DGLUCY: variants seen among roughly 807,000 people sequenced by gnomAD.
DGLUCY encodes the protein D-glutamate cyclase, mitochondrial.
Under a neutral mutation model 58.5 loss-of-function variants are expected in DGLUCY, and 58 were observed. The observed-to-expected ratio is 0.99, with a 90% confidence interval of 0.80 to 1.23. The LOEUF (loss-of-function observed/expected upper bound fraction) is 1.23. Among genes scored for constraint, DGLUCY ranks in the 50% most tolerant of loss-of-function variants. The pLI, the probability that DGLUCY is intolerant of heterozygous loss-of-function variation, is 0.00. For synonymous variants in DGLUCY, 325 were observed against 314.1 expected (o/e 1.03, Z -0.37); for missense variants, 779 against 784.7 (o/e 0.99, Z 0.09).
At chr14:91,067,322 G>A (rs541973627) in intron 1 of DGLUCY, among the ~76,000 whole-genome samples, 3 of 152,052 alleles carry the variant, frequency 2.0e-5, no homozygotes, top group African/African-American at 7.2e-5. Flanking sequence ...AGTAAGCAAG[G>A]GGGGAGAGGG....
intron 1 of DGLUCY, among the ~76,000 whole-genome samples, chr14:91,149,650 T>C (rs572367218): frequency 5.8e-4 from 89 of 152,372 alleles, no homozygotes; most frequent in African/African-American, 2.0e-3. Flanking sequence ...TTTGGCCTGA[T>C]GGACCCGTTG....
chr14:91,220,562 G>A (rs1417254933), intron 13 of DGLUCY: 2 of 456,220 alleles, frequency 4.4e-6, no homozygotes, highest in East Asian at 1.4e-4. Flanking sequence ...AGACAGAGCT[G>A]GGGCCTCCAG....
At chr14:91,135,259 G>T (rs1189576579) in intron 1 of DGLUCY, among the ~76,000 whole-genome samples, 1 of 152,038 alleles carries the variant, frequency 6.6e-6, no homozygotes, top group Non-Finnish European at 1.5e-5. Context: ...TCTTATTCTT[G>T]TTCTACTACA....
At chr14:91,168,580 C>T (rs1175892717) in intron 4 of DGLUCY, among the ~76,000 whole-genome samples, 1 of 152,216 alleles carries the variant, frequency 6.6e-6, no homozygotes, top group Non-Finnish European at 1.5e-5. Flanking sequence ...TTTCCACGTG[C>T]TGCTTCCTCT....
intron 4 of DGLUCY, chr14:91,167,806 C>T (rs370414938): frequency 6.4e-5 from 40 of 624,600 alleles, no homozygotes; most frequent in Middle Eastern, 2.6e-4. Flanking sequence ...GATGCTGGGT[C>T]GGTGTACCTC....
At chr14:91,077,863 AAAGGAAGGAAGGGAAGG>A (rs988645691) in intron 1 of DGLUCY, among the ~76,000 whole-genome samples, 1 of 150,934 alleles carries the variant, frequency 6.6e-6, no homozygotes, top group Non-Finnish European at 1.5e-5. Context: ...ATGAAGGAAG[AAAGGAAGGAAGGGAAGG>A]AAGGAAGGAA....
At position 91,098,039 on chromosome 14, in the gene DGLUCY, C is replaced by T. The variant is rs372769016; in HGVS notation, c.-82+37335C>T. Among the ~76,000 whole-genome samples the T allele has an allele frequency of 3.5e-4, 54 of 152,336 alleles. 2 individuals are homozygous for T. The South Asian group carries it at 0.011, about 31-fold the overall frequency. On this transcript the variant is annotated intron_variant, in intron 1 of 4. Transcript: ENST00000521334. Reference sequence around the variant, plus strand: ...ACTACAGCCAATGCCAAGCTGTTAGCCTGATGGCACTGAATGCAGAGCTAG... The same window carrying T: ...ACTACAGCCAATGCCAAGCTGTTAGTCTGATGGCACTGAATGCAGAGCTAG...
chr14:91,218,245 A>G (rs1886886226), intron 13 of DGLUCY, among the ~76,000 whole-genome samples: 1 of 152,178 alleles, frequency 6.6e-6, no homozygotes, highest in South Asian at 2.1e-4. Context: ...GGGCTGCTTC[A>G]CACATGATTC....
chr14:91,203,288 G>T (rs117591068), intron 11 of DGLUCY, among the ~76,000 whole-genome samples: 2 of 152,176 alleles, frequency 1.3e-5, no homozygotes, highest in Non-Finnish European at 2.9e-5. Context: ...TAAATCTAAG[G>T]TGTTTGGTCC....
intron 1 of DGLUCY, among the ~76,000 whole-genome samples, chr14:91,080,766 A>G (rs1161245979): frequency 6.6e-6 from 1 of 152,184 alleles, no homozygotes; most frequent in Non-Finnish European, 1.5e-5. Flanking sequence ...CCAGGGGAAA[A>G]GTGGAGTCCT....
chr14:91,115,152 A>C (rs1305887877), intron 1 of DGLUCY: 1 of 152,712 alleles, frequency 6.5e-6, no homozygotes, highest in Non-Finnish European at 1.5e-5. Flanking sequence ...GCAGGTTGAG[A>C]TTATGTTGGC....
chr14:91,161,157 C>T (rs2047959388), intron 3 of DGLUCY, among the ~76,000 whole-genome samples: 1 of 152,240 alleles, frequency 6.6e-6, no homozygotes, highest in Non-Finnish European at 1.5e-5. Flanking sequence ...GCTCCGCCTC[C>T]CAGATTTGGG....
intron 9 of DGLUCY, 72 bp downstream of exon 9, chr14:91,189,242 T>C: frequency 6.4e-7 from 1 of 1,572,898 alleles, no homozygotes; most frequent in Non-Finnish European, 8.7e-7. Flanking sequence ...GGAATCAGCA[T>C]CTGCAGTACA....
intron 12 of DGLUCY, among the ~76,000 whole-genome samples, chr14:91,210,478 G>T (rs565772570): frequency 2.0e-5 from 3 of 152,212 alleles, no homozygotes; most frequent in African/African-American, 7.2e-5. Flanking sequence ...GCTGCAGTCT[G>T]CTGGGTTGTA....
At chr14:91,136,397 C>A (rs2046338281) in intron 1 of DGLUCY, among the ~76,000 whole-genome samples, 1 of 152,016 alleles carries the variant, frequency 6.6e-6, no homozygotes, top group Non-Finnish European at 1.5e-5. Flanking sequence ...GAAATTCAGA[C>A]CCAGGCCAGG....
At chr14:91,095,085 A>G (rs569115277) in intron 1 of DGLUCY, among the ~76,000 whole-genome samples, 1 of 152,208 alleles carries the variant, frequency 6.6e-6, no homozygotes, top group South Asian at 2.1e-4. Flanking sequence ...GACAGCACCC[A>G]TGAGAAATTC....
At chr14:91,192,451 A>G (rs185122544) in intron 9 of DGLUCY, among the ~76,000 whole-genome samples, 1 of 152,266 alleles carries the variant, frequency 6.6e-6, no homozygotes, top group Non-Finnish European at 1.5e-5. Flanking sequence ...GAAATACTTT[A>G]TGCTACTGAA....
At chr14:91,062,333 G>A (rs2043713638) in intron 1 of DGLUCY, among the ~76,000 whole-genome samples, 1 of 151,508 alleles carries the variant, frequency 6.6e-6, no homozygotes, top group Non-Finnish European at 1.5e-5. Context: ...GATCACCTGA[G>A]GTCAGGAGTT....
intron 1 of DGLUCY, chr14:91,115,068 G>A (rs990196096): frequency 1.8e-4 from 28 of 152,342 alleles, no homozygotes; most frequent in Admixed American, 1.8e-3. Context: ...GGGAGATCGA[G>A]CTAGCTATAA....
Sources: allele counts gnomAD v4.1 joint callset (sites outside exome capture counted in the v4.1 genomes callset), GRCh38; gene constraint gnomAD v4.1.1; transcripts MANE v1.5; gene names NCBI Gene and HGNC (gene_info 2026-07-23, HGNC 2026-07-21).